UBA6: variants seen among roughly 807,000 people sequenced by gnomAD.
The protein encoded by UBA6 is ubiquitin like modifier activating enzyme 6, also known as ubiquitin-like modifier-activating enzyme 6.
In UBA6, 87 loss-of-function variants were observed where a neutral mutation model predicts 148.3. The observed-to-expected ratio is 0.59, with a 90% CI of 0.49 to 0.70. UBA6 has a LOEUF of 0.70. Among genes scored for constraint, UBA6 ranks in the 30% least tolerant of loss-of-function variants. UBA6 has a pLI of 0.00. For synonymous variants in UBA6, 376 were observed against 401.0 expected (o/e 0.94, Z 0.75); for missense variants, 1,186 against 1,241.2 (o/e 0.96, Z 0.67).
At chr4:67,682,246 T>A in intron 2 of UBA6, 33 bp from the exon 3 acceptor site, 1 of 1,511,712 alleles carries the variant, frequency 6.6e-7, no homozygotes. Context: ...AACAAAAAAT[T>A]ATTTCACTGA....
At position 67,662,169 on chromosome 4, in the gene UBA6, C is replaced by T; in HGVS notation, c.1104+20G>A. ...TATTAACAAACAAATATTCGGACAG[C>T]CATAAATTTCAATAGTCACCTTCTC... On this transcript the variant is annotated intron_variant, in intron 13 of 32. Coordinates refer to ENST00000322244, the MANE Select transcript of UBA6 (RefSeq NM_018227.6). 2 of 1,609,098 alleles carry T rather than the reference C, an allele frequency of 1.2e-6. No homozygotes were observed. Among genetic ancestry groups the T allele is most frequent in the Non-Finnish European group, 1.7e-6 (2 of 1,175,964 alleles).
intron 13 of UBA6, 58 bp downstream of exon 13, chr4:67,662,131 C>T: frequency 1.3e-6 from 2 of 1,520,026 alleles, no homozygotes; most frequent in Non-Finnish European, 9.1e-7. Context: ...TACTAATATA[C>T]AGAACACTTA....
chr4:67,689,900 C>T (rs548460136), intron 2 of UBA6, among the ~76,000 whole-genome samples: 14 of 152,172 alleles, frequency 9.2e-5, no homozygotes, highest in Non-Finnish European at 1.2e-4. Flanking sequence ...CAGTCTACGA[C>T]TTAGAAAAGC....
chr4:67,613,776 A>G lies in UBA6; in HGVS notation c.*5221T>C, dbSNP rs76392236. On this transcript the variant is annotated 3_prime_UTR_variant, in exon 33 of 33. Transcript: ENST00000322244. Reference sequence around the variant, plus strand: ...GCTCTACAAACCATAAATTCTCATCAGATGGGTTTTATTTAACCCTGTATA... The same window carrying G: ...GCTCTACAAACCATAAATTCTCATCGGATGGGTTTTATTTAACCCTGTATA... 2.0e-5 allele frequency: 3 copies of G among 152,228 alleles called. No homozygotes were observed. The highest frequency in any genetic ancestry group is 4.4e-5 in the Non-Finnish European group (3 of 68,040). 9.4% of individuals were successfully genotyped at this position (152,228 alleles called of 1,614,324 possible).
At chr4:67,660,807 T>C (rs1359999597) in intron 13 of UBA6, among the ~76,000 whole-genome samples, 1 of 152,120 alleles carries the variant, frequency 6.6e-6, no homozygotes, top group African/African-American at 2.4e-5. Flanking sequence ...CAACACTCAA[T>C]GCCAACTCAT....
At position 67,680,398 on chromosome 4, in the gene UBA6, A is replaced by C. The variant is rs377165969; in HGVS notation, c.258+1165T>G. ...ATCTGAACTGGATTCTCTGGCTATAACTACCAGTTTACAGGAAATACACAT... is the reference window on the plus strand; with the variant it reads ...ATCTGAACTGGATTCTCTGGCTATACCTACCAGTTTACAGGAAATACACAT... On this transcript the variant is annotated intron_variant, in intron 4 of 32. Coordinates refer to ENST00000322244, the MANE Select transcript of UBA6 (RefSeq NM_018227.6). 3.9e-5 allele frequency among the ~76,000 whole-genome samples: 6 copies of C among 152,314 alleles called. No individual in the cohort carries two copies. The East Asian group carries it at 1.2e-3, about 29-fold the overall frequency.
At chr4:67,655,298 C>T (rs1410782618) in intron 13 of UBA6, among the ~76,000 whole-genome samples, 1 of 152,188 alleles carries the variant, frequency 6.6e-6, no homozygotes, top group Non-Finnish European at 1.5e-5. Flanking sequence ...AAGTAAAACA[C>T]TCCTCAGCAA....
chr4:67,635,008 G>A (rs1174884614), intron 20 of UBA6, among the ~76,000 whole-genome samples: 6 of 151,978 alleles, frequency 3.9e-5, no homozygotes, highest in Admixed American at 6.5e-5. Context: ...TACCTAAGTC[G>A]TTTTTTGTGG....
intron 13 of UBA6, among the ~76,000 whole-genome samples, chr4:67,652,740 C>T (rs904602352): frequency 6.6e-5 from 10 of 152,228 alleles, no homozygotes; most frequent in Non-Finnish European, 7.3e-5. Context: ...ACCCAGGAAG[C>T]ACAAGGGGTC....
rs1303424479 is a variant in UBA6, at chr4:67,624,261, AAAG to A, written c.2713-11_2713-9del. ...GATCATCTCCAAGGCAACCTAGATAAAAGAAGGTGATCTGATAATATAAACAGC... is the reference window on the plus strand; with the variant it reads ...GATCATCTCCAAGGCAACCTAGATAAAAGGTGATCTGATAATATAAACAGC... On this transcript the variant is annotated splice_polypyrimidine_tract_variant and intron_variant, in intron 29 of 32. Coordinates refer to ENST00000322244, the MANE Select transcript of UBA6 (RefSeq NM_018227.6). 2.4e-5 allele frequency: 39 copies of A among 1,592,168 alleles called. No individual in the cohort carries two copies. Among genetic ancestry groups the A allele is most frequent in the East Asian group, 6.7e-5 (3 of 44,540 alleles).
chr4:67,676,022 T>C (rs1443070383), intron 6 of UBA6, among the ~76,000 whole-genome samples: 1 of 146,444 alleles, frequency 6.8e-6, no homozygotes, highest in Non-Finnish European at 1.5e-5. Flanking sequence ...GTACTACCTT[T>C]TTTTTTTTTT....
rs1577836071 is a variant in UBA6, at chr4:67,682,267, T to A, written c.135-54A>T. The A allele has an allele frequency of 1.3e-5, 18 of 1,370,182 alleles. No homozygotes were observed. The East Asian group carries it at 1.9e-4, about 14-fold the overall frequency. 84.9% of individuals were successfully genotyped at this position (1,370,182 alleles called of 1,614,324 possible). A position where few individuals can be genotyped will look rare whatever the true frequency, so the allele number is the denominator to read the frequency against. ...AAATTATTTCACTGAAATTATAATATCTCTTAAAGTTGTTTGCAAACTAAA... is the reference window on the plus strand; with the variant it reads ...AAATTATTTCACTGAAATTATAATAACTCTTAAAGTTGTTTGCAAACTAAA... On this transcript the variant is annotated intron_variant, in intron 2 of 32. Coordinates refer to ENST00000322244, the MANE Select transcript of UBA6 (RefSeq NM_018227.6).
At chr4:67,637,969 A>AAAC (rs1343398540) in intron 19 of UBA6, among the ~76,000 whole-genome samples, 3 of 107,492 alleles carry the variant, frequency 2.8e-5, no homozygotes, top group African/African-American at 9.8e-5. Context: ...AATAAATAAA[A>AAAC]AGAAATTTAG....
chr4:67,670,009 C>T (rs944586744), intron 8 of UBA6, among the ~76,000 whole-genome samples: 12 of 152,116 alleles, frequency 7.9e-5, no homozygotes, highest in South Asian at 2.1e-4. Context: ...AGTGCAGTAG[C>T]GTGATCTTGG....
At chr4:67,635,040 C>T (rs1247832124) in intron 20 of UBA6, among the ~76,000 whole-genome samples, 1 of 151,464 alleles carries the variant, frequency 6.6e-6, no homozygotes, top group African/African-American at 2.4e-5. Context: ...TTGAAGAAAT[C>T]CACATTCTAT....
chr4:67,638,552 G>A (rs1331521303), intron 19 of UBA6, among the ~76,000 whole-genome samples: 1 of 152,120 alleles, frequency 6.6e-6, no homozygotes, highest in African/African-American at 2.4e-5. Flanking sequence ...TTCTGGGGGT[G>A]AAGGAGTTAC....
Position 67,678,494 on chromosome 4 carries a change from C to A in UBA6, c.298G>T (p.Asp100Tyr), listed in dbSNP as rs776649785. 8.1e-6 allele frequency: 13 copies of A among 1,597,744 alleles called. No individual in the cohort carries two copies. The highest frequency in any genetic ancestry group is 1.1e-5 in the Non-Finnish European group (13 of 1,170,470). Residue 100 changes from aspartate to tyrosine, a missense_variant, in exon 5 of 33, where the codon GAT becomes TAT. Transcript: ENST00000322244. ...CTGAGAAAGAAGTTGGTTCCTAGAT[C>A]CCATGCTTGGCATTTTTCTGTATCA... ...IHDTEKCQAW[D>Y]LGTNFFLSED...
chr4:67,676,662 C>T (rs1456352288), intron 6 of UBA6, among the ~76,000 whole-genome samples: 1 of 152,170 alleles, frequency 6.6e-6, no homozygotes, highest in Non-Finnish European at 1.5e-5. Context: ...GTTACTGTGA[C>T]AGGCAACTCC....
chr4:67,698,286 C>T (rs1200741741), intron 1 of UBA6, among the ~76,000 whole-genome samples: 1 of 152,158 alleles, frequency 6.6e-6, no homozygotes, highest in East Asian at 1.9e-4. Context: ...TTCTTCAAAT[C>T]ACTTACCGTT....
Sources: gnomAD v4.1 joint callset for allele counts (sites outside exome capture counted in the v4.1 genomes callset) on GRCh38, gnomAD v4.1.1 for gene constraint, MANE v1.5 for transcripts, NCBI Gene and HGNC (gene_info 2026-07-23, HGNC 2026-07-21) for gene names.